The following EIF4H variants were observed in gnomAD, a reference collection of about 807,000 sequenced individuals.
The protein encoded by EIF4H is eukaryotic translation initiation factor 4H, also known as Williams-Beuren syndrome chromosome region 1.
In EIF4H, 8 loss-of-function variants were observed where a neutral mutation model predicts 30.6. The ratio of observed to expected loss-of-function variants is 0.26; its 90% CI spans 0.15 to 0.47. The LOEUF (loss-of-function observed/expected upper bound fraction) is 0.47. Among genes scored for constraint, EIF4H ranks in the 20% least tolerant of loss-of-function variants. The probability of loss-of-function intolerance (pLI) is 0.99; values close to 1 mark genes in which losing one functional copy is unlikely to be tolerated. For synonymous variants in EIF4H, 106 were observed against 122.7 expected (o/e 0.86, Z 0.90); for missense variants, 188 against 339.5 (o/e 0.55, Z 3.51).
intron 1 of EIF4H, among the ~76,000 whole-genome samples, chr7:74,186,512 A>G (rs1416330515): frequency 6.6e-6 from 1 of 152,148 alleles, no homozygotes; most frequent in Non-Finnish European, 1.5e-5. Context: ...TACAAATAAA[A>G]TAAAGCTTAG....
chr7:74,186,470 C>T (rs1328402855), intron 1 of EIF4H, among the ~76,000 whole-genome samples: 1 of 152,058 alleles, frequency 6.6e-6, no homozygotes, highest in Non-Finnish European at 1.5e-5. Context: ...ACCTCGGCCT[C>T]CCAAAATGCT....
At position 74,196,342 on chromosome 7, in the gene EIF4H, A is replaced by T. The variant is rs1238519713; in HGVS notation, c.*1034A>T. On this transcript the variant is annotated 3_prime_UTR_variant, in exon 7 of 7. Coordinates refer to ENST00000265753, the MANE Select transcript of EIF4H (RefSeq NM_022170.2). ...ACCTCCCCTTCAGTTCAGAGCCAAA[A>T]TGGGTCTAGAATCTGGCACTTTACT... is the stretch of plus-strand genomic sequence containing the variant. 6.6e-6 allele frequency: 1 copy of T among 152,630 alleles called. No individual in the cohort carries two copies. The highest frequency in any genetic ancestry group is 1.5e-5 in the Non-Finnish European group (1 of 68,052). 9.5% of individuals were successfully genotyped at this position (152,630 alleles called of 1,614,324 possible).
intron 5 of EIF4H, among the ~76,000 whole-genome samples, chr7:74,191,607 A>G (rs925687117): frequency 4.6e-5 from 7 of 151,952 alleles, no homozygotes; most frequent in Non-Finnish European, 7.4e-5. Context: ...GGATGGTGCT[A>G]TTTTTTTTAA....
At chr7:74,178,606 T>C (rs1344846086) in intron 1 of EIF4H, among the ~76,000 whole-genome samples, 1 of 151,022 alleles carries the variant, frequency 6.6e-6, no homozygotes, top group Non-Finnish European at 1.5e-5. Flanking sequence ...TTTTAAGGAG[T>C]CTCCCTGGAA....
At chr7:74,174,511 G>A (rs1352033976) in intron 1 of EIF4H, 69 bp downstream of exon 1, 2 of 1,224,376 alleles carry the variant, frequency 1.6e-6, no homozygotes, top group Non-Finnish European at 2.1e-6. Context: ...TCAGGGTGGC[G>A]GCCGTCCTGC....
At position 74,195,422 on chromosome 7, in the gene EIF4H, A is replaced by G; in HGVS notation, c.*114A>G. On this transcript the variant is annotated 3_prime_UTR_variant, in exon 7 of 7. Transcript: ENST00000265753. ...TCCTGCGCCTGCCATTGGCCTCCTCACAGCGGAAACACAGCTTGTGAGTGC... is the reference window on the plus strand; with the variant it reads ...TCCTGCGCCTGCCATTGGCCTCCTCGCAGCGGAAACACAGCTTGTGAGTGC... The G allele has an allele frequency of 8.1e-7, 1 of 1,229,674 alleles. No homozygotes were observed. Among genetic ancestry groups the G allele is most frequent in the Non-Finnish European group, 1.1e-6 (1 of 892,278 alleles). The allele number at this position is 1,229,674 out of a possible 1,614,324, so 76.2% of individuals were successfully genotyped here. A position where few individuals can be genotyped will look rare whatever the true frequency, so the allele number is the denominator to read the frequency against.
chr7:74,192,747 G>A (rs781898336), intron 5 of EIF4H, among the ~76,000 whole-genome samples: 3 of 135,490 alleles, frequency 2.2e-5, no homozygotes, highest in Non-Finnish European at 3.0e-5. Flanking sequence ...GCATGATTTC[G>A]GTTCACTGCA....
chr7:74,192,007 C>T (rs1266402258), intron 5 of EIF4H, among the ~76,000 whole-genome samples: 16 of 152,046 alleles, frequency 1.1e-4, no homozygotes, highest in African/African-American at 3.9e-4. Flanking sequence ...TCTCGATCTC[C>T]TGACCTCGTG....
At chr7:74,182,782 C>G (rs1554708600) in intron 1 of EIF4H, among the ~76,000 whole-genome samples, 1 of 152,170 alleles carries the variant, frequency 6.6e-6, no homozygotes, top group Admixed American at 6.6e-5. Context: ...ACATTGGCTT[C>G]TTTTTATAGT....
chr7:74,184,289 C>G (rs1367464761), intron 1 of EIF4H, among the ~76,000 whole-genome samples: 1 of 152,176 alleles, frequency 6.6e-6, no homozygotes, highest in African/African-American at 2.4e-5. Flanking sequence ...TCAAGTCTGG[C>G]CTGATCTCAG....
At chr7:74,194,647 A>C in intron 5 of EIF4H, 94 bp from the exon 6 acceptor site, 1 of 1,440,630 alleles carries the variant, frequency 6.9e-7, no homozygotes, top group Non-Finnish European at 9.2e-7. Flanking sequence ...TAAAGAATTT[A>C]AAATGAAACT....
intron 5 of EIF4H, among the ~76,000 whole-genome samples, chr7:74,192,192 G>C (rs1307160269): frequency 1.3e-5 from 2 of 152,088 alleles, no homozygotes; most frequent in African/African-American, 4.8e-5. Flanking sequence ...CATAGTAAAG[G>C]GTGTAAATTT....
At chr7:74,194,935 G>A in intron 6 of EIF4H, 57 bp downstream of exon 6, 1 of 1,548,788 alleles carries the variant, frequency 6.5e-7, no homozygotes, top group South Asian at 1.2e-5. Context: ...ATCATGGCCG[G>A]TTCACACCCC....
At chr7:74,178,793 T>A (rs782656083) in intron 1 of EIF4H, among the ~76,000 whole-genome samples, 2 of 152,166 alleles carry the variant, frequency 1.3e-5, no homozygotes, top group Non-Finnish European at 2.9e-5. Context: ...TAGAACCTAA[T>A]GGCAGCTGTA....
Position 74,179,631 on chromosome 7 carries a change from C to CAAAA in EIF4H, c.59+5203_59+5206dup, listed in dbSNP as rs34502000. ...TGGGCGACAGGGTGAGACTCTGTATCAAAAAAAAAAAAAAAAAGTCACTTT... is the reference window on the plus strand; with the variant it reads ...TGGGCGACAGGGTGAGACTCTGTATCAAAAAAAAAAAAAAAAAAAAAGTCACTTT... On this transcript the variant is annotated intron_variant, in intron 1 of 6. Transcript: ENST00000265753. 5.4e-3 allele frequency among the ~76,000 whole-genome samples: 691 copies of CAAAA among 127,940 alleles called. 12 individuals are homozygous for CAAAA. Among genetic ancestry groups the CAAAA allele is most frequent in the East Asian group, 0.014 (62 of 4,470 alleles). 83.9% of individuals were successfully genotyped at this position (127,940 alleles called of 152,430 possible).
At chr7:74,186,632 C>A (rs1253232206) in intron 1 of EIF4H, among the ~76,000 whole-genome samples, 1 of 151,870 alleles carries the variant, frequency 6.6e-6, no homozygotes, top group South Asian at 2.1e-4. Context: ...GAGATGACAT[C>A]GAGGTTGAAA....
chr7:74,183,210 A>G (rs781998092), intron 1 of EIF4H, among the ~76,000 whole-genome samples: 16 of 152,182 alleles, frequency 1.1e-4, no homozygotes, highest in Non-Finnish European at 1.9e-4. Flanking sequence ...GACTACTTTA[A>G]TCTTTCATAA....
intron 5 of EIF4H, among the ~76,000 whole-genome samples, chr7:74,192,293 T>C (rs1287182615): frequency 1.3e-5 from 2 of 152,244 alleles, no homozygotes; most frequent in African/African-American, 4.8e-5. Flanking sequence ...GCTTGTTCAC[T>C]GAACTGTGTA....
intron 1 of EIF4H, among the ~76,000 whole-genome samples, chr7:74,182,568 T>G (rs532894932): frequency 6.6e-6 from 1 of 152,298 alleles, no homozygotes; most frequent in East Asian, 1.9e-4. Context: ...ACTCCTCTGT[T>G]GGGAGGTTTA....
Sources: gnomAD v4.1 joint callset for allele counts (sites outside exome capture counted in the v4.1 genomes callset) on GRCh38, gnomAD v4.1.1 for gene constraint, MANE v1.5 for transcripts, NCBI Gene and HGNC (gene_info 2026-07-23, HGNC 2026-07-21) for gene names.